Variants in GSG1L observed in about 807,000 individuals in gnomAD.
The protein encoded by GSG1L is germ cell-specific gene 1-like protein.
Under a neutral mutation model 42.1 loss-of-function variants are expected in GSG1L, and 24 were observed. That is an observed-to-expected ratio of 0.57 (90% CI 0.41 to 0.80). The LOEUF (loss-of-function observed/expected upper bound fraction) is 0.80. GSG1L is among the 30% of genes least tolerant of loss of function. The probability of loss-of-function intolerance (pLI) is 0.00; values close to 1 mark genes in which losing one functional copy is unlikely to be tolerated. For missense variants in GSG1L, 445 were observed against 472.2 expected (o/e 0.94, Z 0.53); for synonymous variants, 215 against 203.5 (o/e 1.06, Z -0.48).
intron 1 of GSG1L, among the ~76,000 whole-genome samples, chr16:28,010,098 A>C (rs1243065407): frequency 2.6e-5 from 4 of 152,130 alleles, no homozygotes; most frequent in Non-Finnish European, 4.4e-5. Flanking sequence ...TGAGGAAGAG[A>C]CACCGGGAAC....
rs934442746 is a variant in GSG1L at position 27,956,899 on chromosome 16, A to G, written c.397+6257T>C. On this transcript the variant is annotated intron_variant, in intron 2 of 6. Transcript: ENST00000447459. ...ACATTATTGTTGGTCTTACTGGCCA[A>G]TGCACCAGGTTTTAAGATTATCCTG... is the stretch of plus-strand genomic sequence containing the variant. Among the ~76,000 whole-genome samples, 37 of 152,134 alleles carry G rather than the reference A, an allele frequency of 2.4e-4. 1 individual carries two copies. The highest frequency in any genetic ancestry group is 8.7e-4 in the African/African-American group (36 of 41,488).
rs1287156160 is a variant in GSG1L at position 27,939,207 on chromosome 16, G to A, written c.397+23949C>T. On this transcript the variant is annotated intron_variant, in intron 2 of 6. Transcript: ENST00000447459. ...TGTGATCATAGTTCACTACAGCCACGACCTCCTGAGCTCAAGCCATCCTTT... is the reference window on the plus strand; with the variant it reads ...TGTGATCATAGTTCACTACAGCCACAACCTCCTGAGCTCAAGCCATCCTTT... 2.6e-5 allele frequency among the ~76,000 whole-genome samples: 4 copies of A among 151,892 alleles called. No individual in the cohort carries two copies. In the South Asian group the frequency reaches 8.3e-4, roughly 32 times the overall value.
At chr16:27,870,907 C>G (rs1409634762) in intron 3 of GSG1L, among the ~76,000 whole-genome samples, 1 of 151,368 alleles carries the variant, frequency 6.6e-6, no homozygotes, top group South Asian at 2.1e-4. Flanking sequence ...GCCGTGCTCT[C>G]CAGCCTGTAC....
chr16:27,868,010 G>T (rs985840121), intron 3 of GSG1L, among the ~76,000 whole-genome samples: 7 of 152,212 alleles, frequency 4.6e-5, no homozygotes, highest in Admixed American at 4.6e-4. Flanking sequence ...TTCCTCCAGC[G>T]TAGGTTTTAT....
At chr16:27,825,019 G>A (rs73517375) in intron 5 of GSG1L, among the ~76,000 whole-genome samples, 3,387 of 152,302 alleles carry the variant, frequency 0.022, 133 homozygotes, top group African/African-American at 0.078. Context: ...CAGGTTAGCC[G>A]GATCTTCCTG....
intron 1 of GSG1L, among the ~76,000 whole-genome samples, chr16:28,047,225 G>A (rs1453003043): frequency 6.6e-6 from 1 of 152,108 alleles, no homozygotes; most frequent in African/African-American, 2.4e-5. Context: ...GAATTCAAGA[G>A]CAACTAATTT....
intron 1 of GSG1L, among the ~76,000 whole-genome samples, chr16:28,053,495 G>T (rs886216902): frequency 1.3e-5 from 2 of 152,168 alleles, no homozygotes; most frequent in African/African-American, 2.4e-5. Flanking sequence ...GTCAGATGAG[G>T]GAGGGTCTGG....
At chr16:28,036,810 C>T (rs181384402) in intron 1 of GSG1L, among the ~76,000 whole-genome samples, 151 of 152,272 alleles carry the variant, frequency 9.9e-4, no homozygotes, top group Middle Eastern at 3.4e-3. Context: ...TCCCTACAGA[C>T]GTCCTGATGC....
chr16:27,812,526 G>A (rs1644604), intron 5 of GSG1L, among the ~76,000 whole-genome samples: 1 of 152,102 alleles, frequency 6.6e-6, no homozygotes, highest in African/African-American at 2.4e-5. Flanking sequence ...GACGGGATTC[G>A]GCCTGCGTGG....
chr16:27,803,289 G>A (rs1186083494), intron 6 of GSG1L, among the ~76,000 whole-genome samples: 1 of 152,024 alleles, frequency 6.6e-6, no homozygotes, highest in East Asian at 1.9e-4. Flanking sequence ...CATGCCCCGA[G>A]CCATTACCTC....
chr16:28,024,627 C>T (rs2085880758), intron 1 of GSG1L, among the ~76,000 whole-genome samples: 1 of 152,160 alleles, frequency 6.6e-6, no homozygotes, highest in South Asian at 2.1e-4. Context: ...CAGAGATGTC[C>T]AGTATGAAGT....
At chr16:27,936,131 A>G (rs1343535822) in intron 2 of GSG1L, among the ~76,000 whole-genome samples, 7 of 151,734 alleles carry the variant, frequency 4.6e-5, no homozygotes, top group Admixed American at 4.6e-4. Context: ...TCACAGTCGC[A>G]CAAGGAAAGA....
rs561472602 is a variant in GSG1L at position 27,795,990 on chromosome 16, G to A, written c.899-4523C>T. ...GGGAGGGCCCTTCAAGACCAGGAAC[G>A]TCAATGCCACCACAAATGTACAGAT... On this transcript the variant is annotated intron_variant, in intron 6 of 6. Transcript: ENST00000447459. 5.3e-5 allele frequency among the ~76,000 whole-genome samples: 8 copies of A among 152,286 alleles called. No homozygotes were observed. In the South Asian group the frequency reaches 1.2e-3, roughly 24 times the overall value.
rs1202369207 is a variant in GSG1L, at chr16:27,888,444, CTTTCTTTCTTTCTTTCTT to C, written c.398-3824_398-3807del. Among the ~76,000 whole-genome samples, 132 of 24,250 alleles carry C rather than the reference CTTTCTTTCTTTCTTTCTT, an allele frequency of 5.4e-3. 7 individuals are homozygous for C. In the South Asian group the frequency reaches 0.099, roughly 18 times the overall value. The allele number at this position is 24,250 out of a possible 152,430, so 15.9% of individuals were successfully genotyped here. A position where few individuals can be genotyped will look rare whatever the true frequency, so the allele number is the denominator to read the frequency against. ...TCTTTCTTTCTTTCTTTCTTTCTTT[CTTTCTTTCTTTCTTTCTT>C]TCTCTCTCTCTCTCTCTTTCCTTTC... On this transcript the variant is annotated intron_variant, in intron 2 of 6. Transcript: ENST00000447459.
intron 1 of GSG1L, among the ~76,000 whole-genome samples, chr16:28,047,722 G>T (rs998532356): frequency 1.3e-5 from 2 of 152,084 alleles, no homozygotes; most frequent in Non-Finnish European, 2.9e-5. Context: ...ATTTTATCTT[G>T]ACAAAAGATA....
intron 1 of GSG1L, among the ~76,000 whole-genome samples, chr16:27,994,146 G>A (rs1263559744): frequency 6.6e-6 from 1 of 152,162 alleles, no homozygotes; most frequent in Admixed American, 6.5e-5. Context: ...GATACCACAG[G>A]AGAGGCTGCT....
At chr16:28,028,943 G>A (rs535822220) in intron 1 of GSG1L, among the ~76,000 whole-genome samples, 1 of 152,328 alleles carries the variant, frequency 6.6e-6, no homozygotes, top group African/African-American at 2.4e-5. Flanking sequence ...AGCCAGCTAG[G>A]CTCTCCCAGC....
At chr16:27,935,327 T>A (rs7498406) in intron 2 of GSG1L, among the ~76,000 whole-genome samples, 5 of 151,762 alleles carry the variant, frequency 3.3e-5, no homozygotes, top group Admixed American at 2.0e-4. Context: ...GATGGGGGAA[T>A]GGGGGGCTTC....
intron 1 of GSG1L, among the ~76,000 whole-genome samples, chr16:28,003,240 G>T (rs1312084164): frequency 6.6e-6 from 1 of 152,170 alleles, no homozygotes; most frequent in African/African-American, 2.4e-5. Flanking sequence ...GAGGCTGAGC[G>T]GCTGCAAAAG....
Sources: allele counts gnomAD v4.1 joint callset (sites outside exome capture counted in the v4.1 genomes callset), GRCh38; gene constraint gnomAD v4.1.1; transcripts MANE v1.5; gene names NCBI Gene and HGNC (gene_info 2026-07-23, HGNC 2026-07-21).